NRG3: variants seen among roughly 807,000 people sequenced by gnomAD.
NRG3 encodes the protein neuregulin 3, also known as pro-neuregulin-3, membrane-bound isoform.
In NRG3, 31 loss-of-function variants were observed where a neutral mutation model predicts 66.9. That is an observed-to-expected ratio of 0.46 (90% CI 0.35 to 0.63). The LOEUF (loss-of-function observed/expected upper bound fraction) is 0.63, where lower values mean the gene tolerates loss of function less well. Among genes scored for constraint, NRG3 ranks in the 20% least tolerant of loss-of-function variants. NRG3 has a pLI of 0.00. For missense variants in NRG3, 910 were observed against 878.9 expected, an observed-to-expected ratio of 1.04 and a Z score of -0.45; for synonymous variants, 393 against 359.4, an observed-to-expected ratio of 1.09 and a Z score of -1.06.
chr10:82,078,476 G>A lies in NRG3; in HGVS notation c.823+202313G>A, dbSNP rs908306340. On this transcript the variant is annotated intron_variant, in intron 1 of 8. Coordinates refer to ENST00000372141, the MANE Select transcript of NRG3 (RefSeq NM_001010848.4). ...TGCCATTCTCCTGCCTCAGCCTCCC[G>A]AGTAGCTGGGACTACAGGCACCCGC... Among the ~76,000 whole-genome samples the A allele has an allele frequency of 1.4e-3, 206 of 152,168 alleles. 2 individuals are homozygous for A. Among genetic ancestry groups the A allele is most frequent in the African/African-American group, 4.4e-3 (182 of 41,522 alleles).
At chr10:82,544,804 C>T (rs2043784387) in intron 2 of NRG3, among the ~76,000 whole-genome samples, 1 of 152,140 alleles carries the variant, frequency 6.6e-6, no homozygotes, top group African/African-American at 2.4e-5. Context: ...CTAAACAATA[C>T]ATTGTGATTT....
intron 1 of NRG3, among the ~76,000 whole-genome samples, chr10:82,210,567 T>A (rs1353924670): frequency 6.6e-6 from 1 of 152,116 alleles, no homozygotes; most frequent in Non-Finnish European, 1.5e-5. Flanking sequence ...AAGCAATGTG[T>A]TGGGCTGAAT....
At chr10:82,164,880 C>G (rs2133006722) in intron 1 of NRG3, among the ~76,000 whole-genome samples, 1 of 152,194 alleles carries the variant, frequency 6.6e-6, no homozygotes, top group Non-Finnish European at 1.5e-5. Flanking sequence ...TATAAATCAA[C>G]TAGTAAAGGA....
rs573060147 is a variant in NRG3, at chr10:82,341,032, A to G, written c.824-17707A>G. Among the ~76,000 whole-genome samples the G allele has an allele frequency of 5.3e-5, 8 of 152,264 alleles. No individual in the cohort carries two copies. The South Asian group carries it at 1.2e-3, about 24-fold the overall frequency. Reference sequence around the variant, plus strand: ...AAAGTATAAATGCTTGAGGAGATGGATACCCCATTTTCCATGTTGTGATTA... The same window carrying G: ...AAAGTATAAATGCTTGAGGAGATGGGTACCCCATTTTCCATGTTGTGATTA... On this transcript the variant is annotated intron_variant, in intron 1 of 8. Transcript: ENST00000372141.
intron 1 of NRG3, among the ~76,000 whole-genome samples, chr10:82,214,926 A>G (rs547414309): frequency 4.1e-4 from 63 of 152,300 alleles, no homozygotes; most frequent in African/African-American, 1.5e-3. Context: ...CTATGGCATC[A>G]CTGATCTCAT....
intron 2 of NRG3, among the ~76,000 whole-genome samples, chr10:82,591,121 T>C (rs660464): frequency 0.59 from 89,208 of 152,024 alleles, 28,739 homozygotes; most frequent in African/African-American, 0.85. Context: ...TGGGAAAGGG[T>C]TTCTCAGGTT....
At chr10:82,535,190 C>T (rs1420372781) in intron 2 of NRG3, among the ~76,000 whole-genome samples, 1 of 142,566 alleles carries the variant, frequency 7.0e-6, no homozygotes, top group Non-Finnish European at 1.5e-5. Flanking sequence ...GAAAACTTAG[C>T]CATACGAGAT....
At chr10:82,170,188 G>T (rs2072456688) in intron 1 of NRG3, among the ~76,000 whole-genome samples, 1 of 151,874 alleles carries the variant, frequency 6.6e-6, no homozygotes, top group Admixed American at 6.6e-5. Context: ...CATTCTAATG[G>T]AGTCCCATCT....
chr10:82,306,949 A>G (rs978895425), intron 1 of NRG3, among the ~76,000 whole-genome samples: 5 of 152,168 alleles, frequency 3.3e-5, no homozygotes, highest in Middle Eastern at 3.4e-3. Flanking sequence ...TCTTTAAAAT[A>G]CTTGATTTTA....
intron 1 of NRG3, among the ~76,000 whole-genome samples, chr10:82,106,458 T>C (rs4140412): frequency 0.76 from 116,160 of 151,954 alleles, 44,490 homozygotes; most frequent in Non-Finnish European, 0.79. Context: ...GTTAGGCTAG[T>C]TGTTAAGCTC....
intron 1 of NRG3, among the ~76,000 whole-genome samples, chr10:82,138,643 C>G (rs1359063347): frequency 6.6e-6 from 1 of 152,108 alleles, no homozygotes; most frequent in East Asian, 1.9e-4. Context: ...AGTCGAGGAG[C>G]AAGGAATTCA....
At chr10:82,444,256 C>T (rs1278515992) in intron 2 of NRG3, among the ~76,000 whole-genome samples, 4 of 152,142 alleles carry the variant, frequency 2.6e-5, no homozygotes, top group African/African-American at 4.8e-5. Flanking sequence ...GTTCGTGCCA[C>T]CACGTCCAGC....
chr10:82,102,133 CATATATATATATATATAT>C (rs369498870), intron 1 of NRG3, among the ~76,000 whole-genome samples: 2 of 26,296 alleles, frequency 7.6e-5, no homozygotes, highest in Admixed American at 4.4e-4. Flanking sequence ...TATGTGTATT[CATATATATATATATATAT>C]ATATATATAT....
intron 1 of NRG3, among the ~76,000 whole-genome samples, chr10:82,333,050 A>G (rs975775482): frequency 1.3e-5 from 2 of 152,246 alleles, no homozygotes; most frequent in South Asian, 2.1e-4. Context: ...TTGCATAAGG[A>G]AAACAGTCTG....
intron 4 of NRG3, among the ~76,000 whole-genome samples, chr10:82,905,683 C>T (rs1844665520): frequency 6.6e-6 from 1 of 152,046 alleles, no homozygotes; most frequent in Admixed American, 6.6e-5. Flanking sequence ...TTCCTTCATT[C>T]CTGCTAACCC....
intron 1 of NRG3, among the ~76,000 whole-genome samples, chr10:81,961,689 A>C (rs2133281168): frequency 6.6e-6 from 1 of 152,380 alleles, no homozygotes; most frequent in East Asian, 1.9e-4. Flanking sequence ...AACTGTGTCC[A>C]TTTTGGCCAG....
At chr10:81,985,675 G>A (rs1001977222) in intron 1 of NRG3, among the ~76,000 whole-genome samples, 6 of 152,200 alleles carry the variant, frequency 3.9e-5, no homozygotes, top group African/African-American at 1.4e-4. Context: ...ATTGTGTTGT[G>A]AGTAACGCAG....
chr10:82,541,318 G>C (rs1565046692), intron 2 of NRG3, among the ~76,000 whole-genome samples: 1 of 152,136 alleles, frequency 6.6e-6, no homozygotes, highest in East Asian at 1.9e-4. Flanking sequence ...CTTGTAGCAG[G>C]ACGATCCACA....
At chr10:82,107,168 C>T (rs1249239602) in intron 1 of NRG3, among the ~76,000 whole-genome samples, 1 of 152,186 alleles carries the variant, frequency 6.6e-6, no homozygotes, top group Non-Finnish European at 1.5e-5. Flanking sequence ...TACTGGTTAA[C>T]CATCCCAAAT....
Sources: allele counts gnomAD v4.1 joint callset (sites outside exome capture counted in the v4.1 genomes callset), GRCh38; gene constraint gnomAD v4.1.1; transcripts MANE v1.5; gene names NCBI Gene and HGNC (gene_info 2026-07-23, HGNC 2026-07-21).